Variants in MTR observed in about 807,000 individuals in gnomAD.
MTR encodes 5-methyltetrahydrofolate-homocysteine methyltransferase, also known as methionine synthase.
Under a neutral mutation model 154.8 loss-of-function variants are expected in MTR, and 84 were observed. The observed-to-expected ratio is 0.54, with a 90% CI of 0.45 to 0.65. MTR has a LOEUF of 0.65. Among genes scored for constraint, MTR ranks in the 30% least tolerant of loss-of-function variants. The probability of loss-of-function intolerance (pLI) is 0.00; values close to 1 mark genes in which losing one functional copy is unlikely to be tolerated. For missense variants in MTR, 1,275 were observed against 1,570.2 expected (o/e 0.81, Z 3.18); for synonymous variants, 554 against 553.9 (o/e 1.00, Z 0.00).
intron 8 of MTR, among the ~76,000 whole-genome samples, chr1:236,818,632 C>G (rs190549858): frequency 5.8e-4 from 89 of 152,306 alleles, no homozygotes; most frequent in African/African-American, 2.1e-3. Context: ...ACGAATCTTA[C>G]AGACTGTAGG....
At chr1:236,874,674 A>C in intron 23 of MTR, 52 bp from the exon 24 acceptor site, 3 of 1,437,088 alleles carry the variant, frequency 2.1e-6, no homozygotes, top group Admixed American at 2.3e-5. Context: ...TTTTTCTTTC[A>C]TCTTCCTCAC....
chr1:236,795,284 T>TTGAGCGCAGCG (rs1660296602), upstream of MTR: 1 of 1,201,382 alleles, frequency 8.3e-7, no homozygotes, highest in East Asian at 5.7e-5. Context: ...CGAGGATAGA[T>TTGAGCGCAGCG]TGAGCGCAGA....
rs200592229 is a variant in MTR, at chr1:236,878,617, AC to A, written c.2595-2137del. 5.2e-3 allele frequency among the ~76,000 whole-genome samples: 795 copies of A among 151,660 alleles called. 13 individuals carry two copies. Among genetic ancestry groups the A allele is most frequent in the Admixed American group, 0.019 (287 of 15,218 alleles). On this transcript the variant is annotated intron_variant, in intron 24 of 32. Coordinates refer to ENST00000366577, the MANE Select transcript of MTR (RefSeq NM_000254.3). ...CACTAACAATAGCTAATGAACTGAA[AC>A]AAAAAAAATCTCATAATGTTTTAAG...
chr1:236,885,096 A>G (rs758962068), intron 25 of MTR, 25 bp from the exon 26 acceptor site: 52 of 1,439,420 alleles, frequency 3.6e-5, no homozygotes, highest in Non-Finnish European at 4.2e-5. Flanking sequence ...TCTTTTGCTC[A>G]TCTATGGCTA....
intron 5 of MTR, among the ~76,000 whole-genome samples, chr1:236,811,100 C>A (rs1661276160): frequency 6.6e-6 from 1 of 152,166 alleles, no homozygotes; most frequent in South Asian, 2.1e-4. Context: ...ACAATCATGG[C>A]AGAAGGCAAG....
rs140704204 is a variant in MTR at position 236,850,143 on chromosome 1, G to A, written c.1516-201G>A. ...CTCTGAGATAATTTGATAAGTGATC[G>A]GAAGCTGCTTGGCATTTAGATTTCT... On this transcript the variant is annotated intron_variant, in intron 15 of 32. Coordinates refer to ENST00000366577, the MANE Select transcript of MTR (RefSeq NM_000254.3). Among the ~76,000 whole-genome samples, 1,815 of 152,156 alleles carry A rather than the reference G, an allele frequency of 0.012. 17 individuals carry two copies. Among genetic ancestry groups the A allele is most frequent in the Non-Finnish European group, 0.02 (1,354 of 68,008 alleles).
chr1:236,844,463 T>A lies in MTR; in HGVS notation c.1515+5864T>A, dbSNP rs891390433. ...GAGGTTCAGAAAGGGCGTGTGTGTG[T>A]GTGTGTGTGTGTGTGTGTGTGTGTG... On this transcript the variant is annotated intron_variant, in intron 15 of 32. Transcript: ENST00000366577. 5.0e-4 allele frequency among the ~76,000 whole-genome samples: 9 copies of A among 17,872 alleles called. No individual in the cohort carries two copies. In the South Asian group the frequency reaches 0.018, roughly 35 times the overall value. The allele number at this position is 17,872 out of a possible 152,430, so 11.7% of individuals were successfully genotyped here.
At chr1:236,894,192 C>T in intron 29 of MTR, 165 bp from the exon 30 acceptor site, 2 of 693,170 alleles carry the variant, frequency 2.9e-6, no homozygotes, top group South Asian at 3.1e-5. Flanking sequence ...ATGTGTCAGA[C>T]ACAATTCCAA....
intron 15 of MTR, among the ~76,000 whole-genome samples, chr1:236,839,992 G>A (rs1663137100): frequency 1.3e-5 from 2 of 152,168 alleles, no homozygotes; most frequent in Admixed American, 1.3e-4. Flanking sequence ...AGAATTTGAT[G>A]GTTGTCAACT....
Position 236,813,419 on chromosome 1 carries a change from A to G in MTR, c.609+575A>G, listed in dbSNP as rs543114634. ...AAGTTAAATTGCTGAATCAAAGGGT[A>G]TATGCGTTGTTAATTTTTATCTTTA... On this transcript the variant is annotated intron_variant, in intron 6 of 32. Transcript: ENST00000366577. Among the ~76,000 whole-genome samples, 3 of 152,344 alleles carry G rather than the reference A, an allele frequency of 2.0e-5. No individual in the cohort carries two copies. In the East Asian group the frequency reaches 5.8e-4, roughly 29 times the overall value.
chr1:236,863,641 A>G, intron 22 of MTR, 87 bp downstream of exon 22: 1 of 1,182,138 alleles, frequency 8.5e-7, no homozygotes. Context: ...GGGTGGGAAG[A>G]GTAGGGCATG....
Position 236,810,519 on chromosome 1 carries a change from G to C in MTR, c.426G>C (p.Val142=), listed in dbSNP as rs145374086. 2.5e-6 allele frequency: 4 copies of C among 1,613,656 alleles called. No individual in the cohort carries two copies. The highest frequency in any genetic ancestry group is 1.6e-4 in the Middle Eastern group (1 of 6,078). Residue 142 remains valine, a synonymous_variant, in exon 5 of 33, where the codon GTG becomes GTC. Coordinates refer to ENST00000366577, the MANE Select transcript of MTR (RefSeq NM_000254.3). ...TTCCCAAAGGAATTAAGAGGTTTGT[G>C]GCAGGGGCTCTGGGTCCGACTAATA... is the stretch of plus-strand genomic sequence containing the variant. The part of the protein sequence containing the change: ...VTLQTGIKRF[V]AGALGPTNKT...
chr1:236,872,597 G>C (rs753833222), intron 22 of MTR, among the ~76,000 whole-genome samples: 9 of 152,102 alleles, frequency 5.9e-5, no homozygotes, highest in Non-Finnish European at 1.3e-4. Flanking sequence ...CTAATTAGTT[G>C]TGTGACTAGA....
rs1280483316 is a variant in MTR at position 236,903,441 on chromosome 1, C to T, written c.*5797C>T. 1 of 152,060 alleles carries T rather than the reference C, an allele frequency of 6.6e-6. No homozygotes were observed. The highest frequency in any genetic ancestry group is 1.5e-5 in the Non-Finnish European group (1 of 68,038). 9.4% of individuals were successfully genotyped at this position (152,060 alleles called of 1,614,324 possible). The stretch of plus-strand genomic sequence containing the variant: ...CTTGGAATATCTAATTCCATTTACA[C>T]TGCATTCTTCAAATGTAATTTTCAA... On this transcript the variant is annotated 3_prime_UTR_variant, in exon 33 of 33. Coordinates refer to ENST00000366577, the MANE Select transcript of MTR (RefSeq NM_000254.3).
chr1:236,866,122 A>G (rs1043720182), intron 22 of MTR, among the ~76,000 whole-genome samples: 5 of 152,102 alleles, frequency 3.3e-5, no homozygotes, highest in African/African-American at 1.2e-4. Context: ...ACCTCACTTT[A>G]TTGAGCTTTG....
intron 22 of MTR, among the ~76,000 whole-genome samples, chr1:236,865,174 T>A (rs1334319343): frequency 1.3e-5 from 2 of 152,250 alleles, no homozygotes; most frequent in African/African-American, 4.8e-5. Context: ...GAGGCTTTCC[T>A]GCAACAAACC....
chr1:236,884,030 ATTC>A (rs1469232026), intron 25 of MTR, among the ~76,000 whole-genome samples: 1 of 152,338 alleles, frequency 6.6e-6, no homozygotes, highest in East Asian at 1.9e-4. Context: ...GATGGTAGCT[ATTC>A]TTCTATCAAC....
At chr1:236,826,776 T>C in intron 10 of MTR, 53 bp from the exon 11 acceptor site, 1 of 1,430,134 alleles carries the variant, frequency 7.0e-7, no homozygotes, top group South Asian at 1.1e-5. Context: ...TTGGTGGTAA[T>C]GAGTTTAGAA....
Position 236,889,257 on chromosome 1 carries a change from G to C in MTR, c.2928G>C (p.Lys976Asn). ...LQKLVDYIDW[K>N]PFFDVWQLRG... is the part of the protein sequence containing the mutation. ...AGCTGGTGGACTACATTGACTGGAA[G>C]CCTTTCTTTGATGTCTGGCAGCTCC... Residue 976 changes from lysine to asparagine, a missense_variant, in exon 28 of 33, where the codon AAG becomes AAC. Coordinates refer to ENST00000366577, the MANE Select transcript of MTR (RefSeq NM_000254.3). 1 of 1,614,222 alleles carries C rather than the reference G, an allele frequency of 6.2e-7. No individual in the cohort carries two copies. The highest frequency in any genetic ancestry group is 8.5e-7 in the Non-Finnish European group (1 of 1,180,038).
Sources: allele counts gnomAD v4.1 joint callset (sites outside exome capture counted in the v4.1 genomes callset), GRCh38; gene constraint gnomAD v4.1.1; transcripts MANE v1.5; gene names NCBI Gene and HGNC (gene_info 2026-07-23, HGNC 2026-07-21).